Variants in ITGB6 observed in about 807,000 individuals in gnomAD.
The protein encoded by ITGB6 is integrin beta-6.
Under a neutral mutation model 84.5 loss-of-function variants are expected in ITGB6, and 80 were observed. The observed-to-expected ratio is 0.95, with a 90% CI of 0.79 to 1.14. The LOEUF is 1.14. ITGB6 is among the 50% of genes most tolerant of loss of function. ITGB6 has a pLI of 0.00. For synonymous variants in ITGB6, 383 were observed against 354.9 expected, an observed-to-expected ratio of 1.08 and a Z score of -0.89; for missense variants, 1,006 against 968.0, an observed-to-expected ratio of 1.04 and a Z score of -0.52.
chr2:160,157,450 C>A (rs1311789473), intron 7 of ITGB6, among the ~76,000 whole-genome samples: 1 of 152,102 alleles, frequency 6.6e-6, no homozygotes, highest in Non-Finnish European at 1.5e-5. Flanking sequence ...GACTGTATAG[C>A]CACGGTTCAC....
chr2:160,110,038 A>G (rs1484696721), intron 13 of ITGB6, among the ~76,000 whole-genome samples: 6 of 152,208 alleles, frequency 3.9e-5, no homozygotes, highest in Non-Finnish European at 8.8e-5. Flanking sequence ...GAAAATTTTA[A>G]ATTACATATA....
chr2:160,194,889 A>G (rs1003130816), intron 4 of ITGB6, among the ~76,000 whole-genome samples: 1 of 152,222 alleles, frequency 6.6e-6, no homozygotes, highest in Non-Finnish European at 1.5e-5. Flanking sequence ...CCAAGCAATA[A>G]GAGAAACCAA....
At chr2:160,148,427 C>G (rs957538696) in intron 7 of ITGB6, among the ~76,000 whole-genome samples, 2 of 152,180 alleles carry the variant, frequency 1.3e-5, no homozygotes, top group African/African-American at 4.8e-5. Context: ...CAAACACTTA[C>G]TATATGATCC....
chr2:160,142,691 T>A (rs1283727301), intron 7 of ITGB6, among the ~76,000 whole-genome samples: 1 of 152,172 alleles, frequency 6.6e-6, no homozygotes, highest in Non-Finnish European at 1.5e-5. Flanking sequence ...CAGAAGCTAG[T>A]GCAGAAAGCA....
intron 14 of ITGB6, among the ~76,000 whole-genome samples, chr2:160,103,867 G>A (rs562184596): frequency 7.2e-5 from 11 of 152,234 alleles, no homozygotes; most frequent in Non-Finnish European, 1.2e-4. Flanking sequence ...TTAGAGCTCC[G>A]TAGGACCAGA....
At chr2:160,189,326 T>C (rs886624830) in intron 4 of ITGB6, among the ~76,000 whole-genome samples, 2 of 152,098 alleles carry the variant, frequency 1.3e-5, no homozygotes, top group Non-Finnish European at 2.9e-5. Context: ...CCAAAAGCAA[T>C]GGCAACAAAA....
intron 7 of ITGB6, among the ~76,000 whole-genome samples, chr2:160,152,942 A>G (rs1372534533): frequency 6.6e-6 from 1 of 152,202 alleles, no homozygotes; most frequent in Non-Finnish European, 1.5e-5. Context: ...AAAAGAGGAC[A>G]CAAACAAATG....
chr2:160,121,340 C>T (rs2105794618), intron 12 of ITGB6, among the ~76,000 whole-genome samples: 1 of 152,288 alleles, frequency 6.6e-6, no homozygotes, highest in South Asian at 2.1e-4. Flanking sequence ...CTCAGAAGTC[C>T]TGCAAAGAAA....
chr2:160,183,626 T>C (rs1329095870), intron 4 of ITGB6, among the ~76,000 whole-genome samples: 3 of 152,306 alleles, frequency 2.0e-5, no homozygotes, highest in Non-Finnish European at 2.9e-5. Flanking sequence ...AACTCAGCTC[T>C]GGACCAAGCA....
Position 160,137,526 on chromosome 2 carries a change from A to G in ITGB6, c.1568T>C (p.Ile523Thr), listed in dbSNP as rs866247897. The G allele has an allele frequency of 6.2e-7, 1 of 1,613,996 alleles. No homozygotes were observed. The highest frequency in any genetic ancestry group is 2.2e-5 in the East Asian group (1 of 44,890). Reference protein sequence around the residue: ...GRGDCYCGQCICHLSPYGNIY... With the variant: ...GRGDCYCGQCTCHLSPYGNIY... ...GTTTCCATAGGGAGACAAGTGGCAG[A>G]TACACTGCCCACAGTAGCAGTCACC... Residue 523 changes from isoleucine (I) to threonine (T), a missense_variant, in exon 10 of 15, where the codon ATC (isoleucine) becomes ACC (threonine). Physicochemically the swap from Ile to Thr is moderately conservative, Grantham distance 89. Coordinates refer to ENST00000283249, the MANE Select transcript of ITGB6 (RefSeq NM_000888.5).
chr2:160,146,206 T>C (rs774585161), intron 7 of ITGB6, among the ~76,000 whole-genome samples: 17 of 152,222 alleles, frequency 1.1e-4, no homozygotes, highest in Non-Finnish European at 1.9e-4. Context: ...TTTATTATTA[T>C]TTTAATGGAT....
At chr2:160,162,879 A>T (rs1316217394) in intron 7 of ITGB6, among the ~76,000 whole-genome samples, 2 of 152,160 alleles carry the variant, frequency 1.3e-5, no homozygotes, top group Non-Finnish European at 2.9e-5. Flanking sequence ...CTCGGCCCCC[A>T]AAGTGCTGGG....
intron 4 of ITGB6, among the ~76,000 whole-genome samples, chr2:160,177,101 T>TA (rs1553486465): frequency 5.9e-5 from 9 of 152,022 alleles, no homozygotes; most frequent in Non-Finnish European, 1.0e-4. Flanking sequence ...TTGTTTTTTT[T>TA]AAAAAAAACT....
intron 4 of ITGB6, among the ~76,000 whole-genome samples, chr2:160,194,653 G>A (rs1326439896): frequency 1.3e-5 from 2 of 151,970 alleles, no homozygotes; most frequent in Middle Eastern, 3.2e-3. Flanking sequence ...CCTTCCACAC[G>A]AGATCTGGCA....
chr2:160,158,310 C>A (rs533119566), intron 7 of ITGB6, among the ~76,000 whole-genome samples: 5 of 152,232 alleles, frequency 3.3e-5, no homozygotes, highest in African/African-American at 1.2e-4. Flanking sequence ...TCTTGTCAGC[C>A]AAGAAGCTGG....
At chr2:160,196,627 A>G (rs1686350426) in intron 2 of ITGB6, among the ~76,000 whole-genome samples, 1 of 152,146 alleles carries the variant, frequency 6.6e-6, no homozygotes, top group Admixed American at 6.5e-5. Flanking sequence ...AATTCTGAGT[A>G]AAACTGGAGT....
intron 10 of ITGB6, 94 bp from the exon 11 acceptor site, chr2:160,126,695 C>T (rs749901218): frequency 5.7e-5 from 68 of 1,197,210 alleles, no homozygotes; most frequent in Non-Finnish European, 7.7e-5. Context: ...CTTTAAGCAC[C>T]GTCATCAAAA....
chr2:160,111,173 T>C (rs1162332977), intron 13 of ITGB6, among the ~76,000 whole-genome samples: 2 of 152,138 alleles, frequency 1.3e-5, no homozygotes, highest in Non-Finnish European at 2.9e-5. Context: ...CAAAAGTCTC[T>C]GAATTAAAAG....
intron 7 of ITGB6, among the ~76,000 whole-genome samples, chr2:160,166,683 A>G (rs1685011104): frequency 6.6e-6 from 1 of 152,186 alleles, no homozygotes; most frequent in South Asian, 2.1e-4. Context: ...TGCTCAGTCT[A>G]TTATCATCAT....
Sources: gnomAD v4.1 joint callset for allele counts (sites outside exome capture counted in the v4.1 genomes callset) on GRCh38, gnomAD v4.1.1 for gene constraint, MANE v1.5 for transcripts, NCBI Gene and HGNC (gene_info 2026-07-23, HGNC 2026-07-21) for gene names.